RAPGEF6: variants seen among roughly 807,000 people sequenced by gnomAD.
The protein encoded by RAPGEF6 is PDZ domain containing guanine nucleotide exchange factor (GEF) 2.
Under a neutral mutation model 171.4 loss-of-function variants are expected in RAPGEF6, and 56 were observed. The observed-to-expected ratio is 0.33, with a 90% CI of 0.26 to 0.41. The LOEUF (loss-of-function observed/expected upper bound fraction) is 0.41. Ranked by LOEUF, RAPGEF6 falls within the 10% of genes least tolerant of loss-of-function variation. The pLI, the probability that RAPGEF6 is intolerant of heterozygous loss-of-function variation, is 1.00. For missense variants in RAPGEF6, 1,674 were observed against 1,921.4 expected, an observed-to-expected ratio of 0.87 and a Z score of 2.41; for synonymous variants, 692 against 650.1, an observed-to-expected ratio of 1.06 and a Z score of -0.98.
Position 131,492,613 on chromosome 5 carries a change from G to C in RAPGEF6, c.1700C>G (p.Ala567Gly). Residue 567 changes from alanine (A) to glycine (G), a missense_variant, in exon 14 of 28, where the codon GCT becomes GGT. This residue lies in a region of RAPGEF6 where 1,116 missense variants were observed against 1,321.5 expected (regional missense o/e 0.84). Transcript: ENST00000509018. Reference sequence around the variant, plus strand: ...ACCACGTTTCAGTCCTGAATCAGCAGCTTTGCTACCAGGTTCTACTCCTTC... The same window carrying C: ...ACCACGTTTCAGTCCTGAATCAGCACCTTTGCTACCAGGTTCTACTCCTTC... ...FVEGVEPGSK[A>G]ADSGLKRGDQ... 1 of 1,614,166 alleles carries C rather than the reference G, an allele frequency of 6.2e-7. No individual in the cohort carries two copies. The highest frequency in any genetic ancestry group is 8.5e-7 in the Non-Finnish European group (1 of 1,180,018).
intron 4 of RAPGEF6, among the ~76,000 whole-genome samples, chr5:131,568,920 AC>A (rs987971121): frequency 6.6e-6 from 1 of 152,188 alleles, no homozygotes; most frequent in Non-Finnish European, 1.5e-5. Context: ...GCAAAAACCA[AC>A]TGTATTTCTA....
At chr5:131,574,392 G>A (rs912464411) in intron 4 of RAPGEF6, among the ~76,000 whole-genome samples, 1 of 152,046 alleles carries the variant, frequency 6.6e-6, no homozygotes, top group African/African-American at 2.4e-5. Context: ...GCCGAGCTTC[G>A]GGTAACTCTT....
rs538442672 is a variant in RAPGEF6 at position 131,452,879 on chromosome 5, A to G, written c.3200+175T>C. 2.0e-5 allele frequency among the ~76,000 whole-genome samples: 3 copies of G among 152,348 alleles called. No homozygotes were observed. The South Asian group carries it at 6.2e-4, about 32-fold the overall frequency. ...TTCTTAATATGTATAACGAAGGCTA[A>G]TATCACCTACCTGTTATGGTTATTA... On this transcript the variant is annotated intron_variant, in intron 21 of 27. Coordinates refer to ENST00000509018, the MANE Select transcript of RAPGEF6 (RefSeq NM_016340.6).
At chr5:131,478,228 A>G (rs1357290269) in intron 16 of RAPGEF6, among the ~76,000 whole-genome samples, 1 of 152,216 alleles carries the variant, frequency 6.6e-6, no homozygotes, top group Non-Finnish European at 1.5e-5. Flanking sequence ...ATCTGATTGG[A>G]AAAACTTCGA....
intron 11 of RAPGEF6, among the ~76,000 whole-genome samples, chr5:131,502,486 T>C (rs898971432): frequency 1.6e-4 from 24 of 152,208 alleles, no homozygotes; most frequent in African/African-American, 5.8e-4. Context: ...TCACCATTGG[T>C]AGGACAACAG....
intron 24 of RAPGEF6, among the ~76,000 whole-genome samples, chr5:131,436,749 G>A (rs544407141): frequency 6.6e-6 from 1 of 152,150 alleles, no homozygotes; most frequent in Non-Finnish European, 1.5e-5. Context: ...GTCTAGAATT[G>A]TAAGGTAGAT....
chr5:131,633,982 T>G (rs1176553140), intron 1 of RAPGEF6, among the ~76,000 whole-genome samples: 1 of 152,220 alleles, frequency 6.6e-6, no homozygotes, highest in Non-Finnish European at 1.5e-5. Context: ...CATCAGGATC[T>G]TCAATAACAT....
chr5:131,607,996 T>C (rs1055806104), intron 1 of RAPGEF6, among the ~76,000 whole-genome samples: 1 of 152,274 alleles, frequency 6.6e-6, no homozygotes, highest in South Asian at 2.1e-4. Context: ...AAAAAATCAT[T>C]GTAGTAGTCC....
At chr5:131,522,426 T>C (rs991909797) in intron 6 of RAPGEF6, among the ~76,000 whole-genome samples, 5 of 152,198 alleles carry the variant, frequency 3.3e-5, no homozygotes, top group African/African-American at 4.8e-5. Flanking sequence ...ATTTTTAAAA[T>C]AGGGTTCCTC....
intron 1 of RAPGEF6, among the ~76,000 whole-genome samples, chr5:131,610,553 C>T (rs1346200118): frequency 6.6e-6 from 1 of 152,148 alleles, no homozygotes. Context: ...CAGCATTAGC[C>T]TGAGAAGAAT....
intron 4 of RAPGEF6, among the ~76,000 whole-genome samples, 164 bp downstream of exon 4, chr5:131,592,219 C>A (rs866170131): frequency 3.3e-5 from 5 of 152,102 alleles, no homozygotes; most frequent in South Asian, 2.1e-4. Flanking sequence ...ACAGATTATA[C>A]CCTCAGAAAT....
chr5:131,559,843 G>GA (rs553497187), intron 5 of RAPGEF6, among the ~76,000 whole-genome samples: 890 of 87,630 alleles, frequency 0.01, 5 homozygotes, highest in African/African-American at 0.033. Context: ...AAGAAAAAAA[G>GA]AAAAAAAAAA....
intron 19 of RAPGEF6, among the ~76,000 whole-genome samples, chr5:131,458,460 TAC>T (rs1372860543): frequency 6.6e-6 from 1 of 152,190 alleles, no homozygotes; most frequent in African/African-American, 2.4e-5. Context: ...CTTTATAAAT[TAC>T]ACAGTCTCAG....
At chr5:131,612,304 C>T (rs1444952266) in intron 1 of RAPGEF6, among the ~76,000 whole-genome samples, 2 of 135,800 alleles carry the variant, frequency 1.5e-5, no homozygotes, top group Non-Finnish European at 3.0e-5. Context: ...GTACAGTATT[C>T]AATAAATCAT....
intron 19 of RAPGEF6, among the ~76,000 whole-genome samples, chr5:131,456,934 C>A (rs1354649149): frequency 6.6e-6 from 1 of 152,140 alleles, no homozygotes; most frequent in Admixed American, 6.5e-5. Context: ...AAAAAATAGT[C>A]GAGGTCAAAC....
At chr5:131,429,298 T>C (rs910858562) in intron 26 of RAPGEF6, 82 bp from the exon 27 acceptor site, 52 of 1,185,096 alleles carry the variant, frequency 4.4e-5, no homozygotes, top group Non-Finnish European at 3.8e-5. Flanking sequence ...CTTATTACAA[T>C]GACAAAATAC....
intron 14 of RAPGEF6, 89 bp from the exon 15 acceptor site, chr5:131,489,743 G>A (rs1018007488): frequency 4.6e-6 from 3 of 649,802 alleles, no homozygotes; most frequent in African/African-American, 3.9e-5. Flanking sequence ...TAAATAAAAT[G>A]AAACTTGAAT....
intron 1 of RAPGEF6, among the ~76,000 whole-genome samples, chr5:131,624,474 C>T (rs1765784698): frequency 1.3e-5 from 2 of 152,190 alleles, no homozygotes; most frequent in Non-Finnish European, 2.9e-5. Flanking sequence ...AAGGTAGCTT[C>T]ATAGTCCTCT....
At chr5:131,452,399 C>T (rs926992915) in intron 21 of RAPGEF6, among the ~76,000 whole-genome samples, 2 of 151,970 alleles carry the variant, frequency 1.3e-5, no homozygotes, top group East Asian at 3.8e-4. Flanking sequence ...TAAATTTGCA[C>T]TTTCTAAATT....
Sources: gnomAD v4.1 joint callset for allele counts (sites outside exome capture counted in the v4.1 genomes callset) on GRCh38, gnomAD v4.1.1 for gene constraint, gnomAD v4.1.1 regional missense constraint, MANE v1.5 for transcripts, NCBI Gene and HGNC (gene_info 2026-07-23, HGNC 2026-07-21) for gene names.